Variants in SLAMF7 observed in about 807,000 individuals in gnomAD.
SLAMF7 encodes the protein SLAM family member 7.
A neutral mutation model predicts 34.1 loss-of-function variants in SLAMF7; 26 were observed. The ratio of observed to expected loss-of-function variants is 0.76; its 90% CI spans 0.56 to 1.06. The LOEUF (loss-of-function observed/expected upper bound fraction) is 1.06. SLAMF7 is among the 50% of genes least tolerant of loss of function. SLAMF7 has a pLI of 0.00. For missense variants in SLAMF7, 399 were observed against 402.5 expected (o/e 0.99, Z 0.07); for synonymous variants, 171 against 156.4 (o/e 1.09, Z -0.70).
intron 2 of SLAMF7, 114 bp downstream of exon 2, chr1:160,748,628 G>C (rs1571120770): frequency 1.1e-6 from 1 of 947,346 alleles, no homozygotes; most frequent in East Asian, 2.6e-5. Context: ...ATGTGGGAGA[G>C]GGGACTTCTG....
chr1:160,747,121 T>C (rs967076695), intron 1 of SLAMF7, among the ~76,000 whole-genome samples: 1 of 152,232 alleles, frequency 6.6e-6, no homozygotes, highest in African/African-American at 2.4e-5. Flanking sequence ...ACACTGTTAC[T>C]TCCTTGACTA....
chr1:160,750,633 G>T, intron 4 of SLAMF7: 1 of 491,264 alleles, frequency 2.0e-6, no homozygotes, highest in Non-Finnish European at 3.5e-6. Flanking sequence ...TCTTTCCCAA[G>T]GACACGGTTC....
In SLAMF7 at chr1:160,754,515, T is replaced by C. The variant is rs526030; in HGVS notation, c.*1338T>C. ...CACGTAAGATGAACATCCCTACCAA[T>C]ACAGAGCTCACCATCTCTTATACTT... On this transcript the variant is annotated 3_prime_UTR_variant, in exon 7 of 7. Coordinates refer to ENST00000368043, the MANE Select transcript of SLAMF7 (RefSeq NM_021181.5). The C allele has an allele frequency of 0.92, 140,719 of 152,450 alleles. 65,413 individuals carry two copies. The highest frequency in any genetic ancestry group is 0.98 in the Non-Finnish European group (66,391 of 68,082). 9.4% of individuals were successfully genotyped at this position (152,450 alleles called of 1,614,324 possible). A position where few individuals can be genotyped will look rare whatever the true frequency, so the allele number is the denominator to read the frequency against.
Position 160,748,526 on chromosome 1 carries a change from C to A in SLAMF7, c.376+12C>A. ...GCTGCATGTCTACGGTGAGCAAAAT[C>A]AGTTCCAATGGTGGATGGCTGCCTT... On this transcript the variant is annotated intron_variant, in intron 2 of 6. Coordinates refer to ENST00000368043, the MANE Select transcript of SLAMF7 (RefSeq NM_021181.5). 3 of 1,602,206 alleles carry A rather than the reference C, an allele frequency of 1.9e-6. No individual in the cohort carries two copies. The highest frequency in any genetic ancestry group is 1.7e-5 in the Admixed American group (1 of 59,464).
At chr1:160,746,878 C>T (rs1571115877) in intron 1 of SLAMF7, among the ~76,000 whole-genome samples, 1 of 152,090 alleles carries the variant, frequency 6.6e-6, no homozygotes. Context: ...ATACATGCTT[C>T]TTCATAAATC....
chr1:160,751,295 T>A (rs747198672), intron 4 of SLAMF7, 50 bp from the exon 5 acceptor site: 96 of 1,317,950 alleles, frequency 7.3e-5, no homozygotes, highest in Non-Finnish European at 9.4e-5. Context: ...CCAGTGGAAG[T>A]GGTGAGTGGT....
rs1664570130 is a variant in SLAMF7, at chr1:160,751,419, A to T, written c.844A>T (p.Thr282Ser). ...PNICPHSGENTEYDTIPHTNR... is the reference protein window; with the variant it reads ...PNICPHSGENSEYDTIPHTNR... Reference sequence around the variant, plus strand: ...CATATGCCCCCATTCTGGAGAGAACACAGAGTACGACACAATCCCTCACAC... The same window carrying T: ...CATATGCCCCCATTCTGGAGAGAACTCAGAGTACGACACAATCCCTCACAC... The change falls in exon 5 of 7, where the codon ACA (threonine) becomes TCA (serine). Residue 282 changes from threonine to serine, a missense_variant. Physicochemically the swap from Thr to Ser is moderately conservative, Grantham distance 58. Coordinates refer to ENST00000368043, the MANE Select transcript of SLAMF7 (RefSeq NM_021181.5). 1 of 1,613,856 alleles carries T rather than the reference A, an allele frequency of 6.2e-7. No individual in the cohort carries two copies. Among genetic ancestry groups the T allele is most frequent in the East Asian group, 2.2e-5 (1 of 44,874 alleles).
chr1:160,742,556 G>A (rs75827626), intron 1 of SLAMF7, among the ~76,000 whole-genome samples: 1,746 of 152,210 alleles, frequency 0.011, 26 homozygotes, highest in African/African-American at 0.04. Context: ...CCACCTTCTC[G>A]TTAGGCTACT....
intron 4 of SLAMF7, chr1:160,751,059 C>T (rs1366875811): frequency 5.2e-6 from 2 of 383,606 alleles, no homozygotes; most frequent in Non-Finnish European, 9.7e-6. Context: ...TCTCCCTTCC[C>T]TCCTGGAAGC....
chr1:160,749,619 G>A (rs1039246508), intron 2 of SLAMF7, among the ~76,000 whole-genome samples: 2 of 152,086 alleles, frequency 1.3e-5, no homozygotes, highest in Non-Finnish European at 2.9e-5. Context: ...TGTTGTTATT[G>A]TTATTATTAT....
At position 160,751,447 on chromosome 1, in the gene SLAMF7, A is replaced by G; in HGVS notation, c.872A>G (p.Asn291Ser). Residue 291 changes from asparagine (N) to serine (S), a missense_variant and splice_region_variant, in exon 5 of 7, where the codon AAT (asparagine) becomes AGT (serine). Coordinates refer to ENST00000368043, the MANE Select transcript of SLAMF7 (RefSeq NM_021181.5). ...GAGTACGACACAATCCCTCACACTA[A>G]TGTGAGTCCCTTCTCATCTTTCCTG... ...NTEYDTIPHTNRTILKEDPAN... is the reference protein window; with the variant it reads ...NTEYDTIPHTSRTILKEDPAN... The G allele has an allele frequency of 1.3e-6, 2 of 1,599,556 alleles. No homozygotes were observed. The highest frequency in any genetic ancestry group is 1.7e-6 in the Non-Finnish European group (2 of 1,166,836).
At position 160,749,829 on chromosome 1, in the gene SLAMF7, T is replaced by C; in HGVS notation, c.385T>C (p.Ser129Pro). The C allele has an allele frequency of 6.3e-7, 1 of 1,590,096 alleles. No individual in the cohort carries two copies. Among genetic ancestry groups the C allele is most frequent in the South Asian group, 1.1e-5 (1 of 88,606 alleles). Residue 129 changes from serine (S) to proline (P), a missense_variant, in exon 3 of 7, where the codon TCA (serine) becomes CCA (proline). Coordinates refer to ENST00000368043, the MANE Select transcript of SLAMF7 (RefSeq NM_021181.5). The part of the protein sequence containing the change: ...EYVLHVYEHL[S>P]KPKVTMGLQS... ...TTTCCTTCCTCTCACAGAGCACCTGTCAAAGCCTAAAGTCACCATGGGTCT... is the reference window on the plus strand; with the variant it reads ...TTTCCTTCCTCTCACAGAGCACCTGCCAAAGCCTAAAGTCACCATGGGTCT...
rs1205360697 is a variant in SLAMF7, at chr1:160,741,862, C to A, written c.55+2506C>A. ...ATCACCATAACCTTCTGAATATCAG[C>A]CTTCTTATCTGTGAAATGGGATTGG... On this transcript the variant is annotated intron_variant, in intron 1 of 6. Coordinates refer to ENST00000368043, the MANE Select transcript of SLAMF7 (RefSeq NM_021181.5). Among the ~76,000 whole-genome samples, 5 of 152,256 alleles carry A rather than the reference C, an allele frequency of 3.3e-5. No homozygotes were observed. In the East Asian group the frequency reaches 9.7e-4, roughly 30 times the overall value.
At chr1:160,743,673 C>A (rs1025596243) in intron 1 of SLAMF7, among the ~76,000 whole-genome samples, 1 of 152,152 alleles carries the variant, frequency 6.6e-6, no homozygotes, top group Admixed American at 6.5e-5. Context: ...CCAATCCTCT[C>A]GAGTCTTGTG....
At chr1:160,752,144 G>T in intron 5 of SLAMF7, 42 bp from the exon 6 acceptor site, 3 of 1,499,566 alleles carry the variant, frequency 2.0e-6, no homozygotes, top group Non-Finnish European at 2.8e-6. Context: ...TGATTCAGGA[G>T]GTGGGTGATG....
chr1:160,747,347 A>T (rs1261026579), intron 1 of SLAMF7, among the ~76,000 whole-genome samples: 1 of 152,122 alleles, frequency 6.6e-6, no homozygotes, highest in Non-Finnish European at 1.5e-5. Flanking sequence ...GATCCGTAAG[A>T]TAGGGATATA....
In SLAMF7 at chr1:160,753,399, T is replaced by C. The variant is rs79692395; in HGVS notation, c.*222T>C. The C allele has an allele frequency of 0.012, 6,320 of 536,670 alleles. 148 individuals are homozygous for C. The highest frequency in any genetic ancestry group is 0.053 in the East Asian group (1,797 of 33,680). The allele number at this position is 536,670 out of a possible 1,614,324, so 33.2% of individuals were successfully genotyped here. On this transcript the variant is annotated 3_prime_UTR_variant, in exon 7 of 7. Coordinates refer to ENST00000368043, the MANE Select transcript of SLAMF7 (RefSeq NM_021181.5). ...CCTCAAACCCAGAAGGTTTAATCAC[T>C]TCATCCCAAAAATGGGATTGTGAAT...
chr1:160,744,394 C>T (rs1663975189), intron 1 of SLAMF7, among the ~76,000 whole-genome samples: 1 of 152,186 alleles, frequency 6.6e-6, no homozygotes, highest in African/African-American at 2.4e-5. Flanking sequence ...TCTTTCGTTA[C>T]CCCTTGTCTC....
rs1023655298 is a variant in SLAMF7, at chr1:160,753,898, A to C, written c.*721A>C. 2 of 152,502 alleles carry C rather than the reference A, an allele frequency of 1.3e-5. No homozygotes were observed. The highest frequency in any genetic ancestry group is 2.9e-5 in the Non-Finnish European group (2 of 68,160). 9.4% of individuals were successfully genotyped at this position (152,502 alleles called of 1,614,324 possible). A position where few individuals can be genotyped will look rare whatever the true frequency, so the allele number is the denominator to read the frequency against. ...TAGCTGACCATGTTTGGCAGATACTATAATGGAGACACAGAAGTGTGCATG... is the reference window on the plus strand; with the variant it reads ...TAGCTGACCATGTTTGGCAGATACTCTAATGGAGACACAGAAGTGTGCATG... On this transcript the variant is annotated 3_prime_UTR_variant, in exon 7 of 7. Coordinates refer to ENST00000368043, the MANE Select transcript of SLAMF7 (RefSeq NM_021181.5).
Sources: gnomAD v4.1 joint callset for allele counts (sites outside exome capture counted in the v4.1 genomes callset) on GRCh38, gnomAD v4.1.1 for gene constraint, MANE v1.5 for transcripts, NCBI Gene and HGNC (gene_info 2026-07-23, HGNC 2026-07-21) for gene names.